RYR3: variants seen among roughly 807,000 people sequenced by gnomAD.
The protein encoded by RYR3 is ryanodine receptor 3.
A neutral mutation model predicts 584.3 loss-of-function variants in RYR3; 207 were observed. The ratio of observed to expected loss-of-function variants is 0.35; its 90% CI spans 0.32 to 0.40. The LOEUF is 0.40. RYR3 is among the 10% of genes least tolerant of loss of function. RYR3 has a pLI of 1.00. For missense variants in RYR3, 5,616 were observed against 6,089.2 expected, an observed-to-expected ratio of 0.92 and a Z score of 2.59; for synonymous variants, 2,416 against 2,248.5, an observed-to-expected ratio of 1.07 and a Z score of -2.11.
intron 1 of RYR3, among the ~76,000 whole-genome samples, chr15:33,348,488 T>G (rs768622970): frequency 6.6e-6 from 1 of 152,172 alleles, no homozygotes; most frequent in Non-Finnish European, 1.5e-5. Context: ...TATTTATTTA[T>G]TTTTGAGATG....
intron 37 of RYR3, among the ~76,000 whole-genome samples, chr15:33,669,839 T>TGG: frequency 8.7e-5 from 1 of 11,436 alleles, no homozygotes; most frequent in East Asian, 2.0e-3. Flanking sequence ...GGGGTGTGTG[T>TGG]GTGTGGGGGG....
intron 40 of RYR3, among the ~76,000 whole-genome samples, chr15:33,698,843 C>T (rs895301645): frequency 1.3e-5 from 2 of 152,110 alleles, no homozygotes; most frequent in Non-Finnish European, 2.9e-5. Context: ...CTTAGAGCAT[C>T]CTCTGTGATA....
Position 33,785,974 on chromosome 15 carries a change from G to A in RYR3, c.9581G>A (p.Arg3194His), listed in dbSNP as rs377341748. The A allele has an allele frequency of 3.7e-4, 577 of 1,571,930 alleles. No individual in the cohort carries two copies. Among genetic ancestry groups the A allele is most frequent in the Non-Finnish European group, 4.4e-4 (514 of 1,155,772 alleles). ...ATCGATGAGGCCTCCTGGATGAAGC[G>A]CATTGCAGGTACCGACCCCTTTCTC... ...LGIDEASWMK[R>H]IAVYAQPIIS... Residue 3194 changes from arginine to histidine, a missense_variant, in exon 66 of 104, where the codon CGC (arginine) becomes CAC (histidine). This residue lies in a region of RYR3 where 954 missense variants were observed against 1,132.2 expected (regional missense o/e 0.84). Coordinates refer to ENST00000634891, the MANE Select transcript of RYR3 (RefSeq NM_001036.6).
At chr15:33,590,279 C>T (rs951780776) in intron 16 of RYR3, among the ~76,000 whole-genome samples, 2 of 152,182 alleles carry the variant, frequency 1.3e-5, no homozygotes, top group Non-Finnish European at 2.9e-5. Context: ...TGGACATATA[C>T]GTGCAGGTCT....
intron 10 of RYR3, among the ~76,000 whole-genome samples, chr15:33,552,650 A>G (rs1228046442): frequency 6.6e-6 from 1 of 152,212 alleles, no homozygotes; most frequent in African/African-American, 2.4e-5. Context: ...GCAGGCCAAG[A>G]TATGGCTGTG....
chr15:33,722,921 C>G (rs1355196614), intron 44 of RYR3, 26 bp downstream of exon 44: 1 of 1,533,330 alleles, frequency 6.5e-7, no homozygotes, highest in Non-Finnish European at 8.8e-7. Flanking sequence ...TCCCTTCCGG[C>G]ACAGATACGG....
At chr15:33,352,167 ATTG>A (rs1207759793) in intron 1 of RYR3, among the ~76,000 whole-genome samples, 3 of 152,042 alleles carry the variant, frequency 2.0e-5, no homozygotes, top group Non-Finnish European at 4.4e-5. Context: ...TTTTTTTTAA[ATTG>A]TTGAGTTTTA....
At chr15:33,516,323 T>C (rs1455227728) in intron 3 of RYR3, among the ~76,000 whole-genome samples, 1 of 151,424 alleles carries the variant, frequency 6.6e-6, no homozygotes, top group African/African-American at 2.4e-5. Context: ...ACCAAAAGAC[T>C]CGTATCTGTA....
chr15:33,747,002 G>A (rs1188405037), intron 53 of RYR3, among the ~76,000 whole-genome samples: 1 of 151,360 alleles, frequency 6.6e-6, no homozygotes, highest in African/African-American at 2.4e-5. Flanking sequence ...GCAGAGACGG[G>A]GTTTCGCCAT....
chr15:33,818,562 G>A lies in RYR3; in HGVS notation c.10600-16G>A. 2 of 1,586,196 alleles carry A rather than the reference G, an allele frequency of 1.3e-6. No individual in the cohort carries two copies. The highest frequency in any genetic ancestry group is 1.7e-6 in the Non-Finnish European group (2 of 1,154,816). ...TTAAATTCATGCCTAAAACCTATCT[G>A]TGTTGGTTTGTGTAGAAATCTCCAA... On this transcript the variant is annotated splice_polypyrimidine_tract_variant and intron_variant, in intron 75 of 103. Coordinates refer to ENST00000634891, the MANE Select transcript of RYR3 (RefSeq NM_001036.6).
intron 100 of RYR3, among the ~76,000 whole-genome samples, chr15:33,860,159 T>C (rs2080183647): frequency 6.6e-6 from 1 of 152,130 alleles, no homozygotes; most frequent in Admixed American, 6.5e-5. Context: ...GATGATAAAT[T>C]TAGCTTGAGT....
chr15:33,425,522 T>C (rs1284018882), intron 1 of RYR3, among the ~76,000 whole-genome samples: 1 of 152,110 alleles, frequency 6.6e-6, no homozygotes, highest in African/African-American at 2.4e-5. Context: ...GAGACCACAA[T>C]AGGTAGCAAT....
intron 16 of RYR3, among the ~76,000 whole-genome samples, chr15:33,597,407 G>A (rs1439295436): frequency 6.6e-6 from 1 of 152,100 alleles, no homozygotes; most frequent in Admixed American, 6.5e-5. Flanking sequence ...ACGAGGTCAG[G>A]AGTTCGAAAC....
chr15:33,554,888 G>A (rs910659367), intron 10 of RYR3, among the ~76,000 whole-genome samples: 1 of 152,156 alleles, frequency 6.6e-6, no homozygotes, highest in East Asian at 1.9e-4. Flanking sequence ...TCAGGGAAGG[G>A]TGAATTAATA....
At chr15:33,793,038 A>G (rs1319486311) in intron 67 of RYR3, among the ~76,000 whole-genome samples, 6 of 152,218 alleles carry the variant, frequency 3.9e-5, no homozygotes, top group East Asian at 1.9e-4. Flanking sequence ...GCGAACTGCA[A>G]ATTCCATGGT....
In RYR3 at chr15:33,838,687, C is replaced by G; in HGVS notation, c.12707C>G (p.Pro4236Arg). ...IRVTKILGDM[P>R]DPTQFGIHDD... ...GTGACCAAGATCCTGGGTGACATGC[C>G]TGACCCAACCCAATTTGGTATCCAT... Residue 4236 changes from proline (P) to arginine (R), a missense_variant, in exon 89 of 104, where the codon CCT becomes CGT. By Grantham distance (103) the Pro-to-Arg change is moderately radical. Around this residue, in one of 9 missense-constraint regions of RYR3, gnomAD observed 918 missense variants for 887.4 expected, o/e 1.03. Transcript: ENST00000634891. 1.2e-6 allele frequency: 2 copies of G among 1,613,948 alleles called. No individual in the cohort carries two copies. The highest frequency in any genetic ancestry group is 1.7e-6 in the Non-Finnish European group (2 of 1,179,868).
intron 12 of RYR3, among the ~76,000 whole-genome samples, chr15:33,568,650 CAA>C (rs1471813853): frequency 6.6e-6 from 1 of 152,116 alleles, no homozygotes; most frequent in African/African-American, 2.4e-5. Context: ...AGGCTGGTCT[CAA>C]ATTGCTGGGC....
At chr15:33,742,297 C>G in intron 51 of RYR3, 69 bp from the exon 52 acceptor site, 1 of 980,180 alleles carries the variant, frequency 1.0e-6, no homozygotes, top group Non-Finnish European at 1.6e-6. Flanking sequence ...ATTGGTAGTT[C>G]TGACTATCTT....
intron 94 of RYR3, chr15:33,852,457 C>G (rs954533378): frequency 6.5e-6 from 1 of 154,200 alleles, no homozygotes; most frequent in Admixed American, 6.3e-5. Context: ...AGAAAGGGAT[C>G]CAACTCCTGG....
Sources: allele counts gnomAD v4.1 joint callset (sites outside exome capture counted in the v4.1 genomes callset), GRCh38; gene constraint gnomAD v4.1.1; regional missense constraint gnomAD v4.1.1; transcripts MANE v1.5; gene names NCBI Gene and HGNC (gene_info 2026-07-23, HGNC 2026-07-21).